The following PTPRN2 variants were observed in gnomAD, a reference collection of about 807,000 sequenced individuals.
The protein encoded by PTPRN2 is receptor-type tyrosine-protein phosphatase N2.
In PTPRN2, 74 loss-of-function variants were observed where a neutral mutation model predicts 118.8. The observed-to-expected ratio is 0.62, with a 90% CI of 0.52 to 0.76. The LOEUF (loss-of-function observed/expected upper bound fraction) is 0.76, where lower values mean the gene tolerates loss of function less well. Ranked by LOEUF, PTPRN2 falls within the 30% of genes least tolerant of loss-of-function variation. PTPRN2 has a pLI of 0.00. For missense variants in PTPRN2, 1,481 were observed against 1,394.4 expected (o/e 1.06, Z -0.99); for synonymous variants, 641 against 608.0 (o/e 1.05, Z -0.80).
rs1227141172 is a variant in PTPRN2, at chr7:158,570,381, G to GGCT, written c.112+17174_112+17176dup. On this transcript the variant is annotated intron_variant, in intron 1 of 22. Transcript: ENST00000389418. The surrounding 1 kb of genome is among the most constrained non-coding windows in gnomAD (Gnocchi z 4.5). Reference sequence around the variant, plus strand: ...AATAAATAAATTAATACATAATAAAGGCTGCGTCCAACCAGATGAGGACAG... The same window carrying GGCT: ...AATAAATAAATTAATACATAATAAAGGCTGCTGCGTCCAACCAGATGAGGACAG... Among the ~76,000 whole-genome samples the GGCT allele has an allele frequency of 6.6e-6, 1 of 152,174 alleles. No homozygotes were observed. Among genetic ancestry groups the GGCT allele is most frequent in the East Asian group, 1.9e-4 (1 of 5,170 alleles).
intron 11 of PTPRN2, among the ~76,000 whole-genome samples, chr7:158,021,824 A>G (rs536049550): frequency 6.6e-6 from 1 of 152,366 alleles, no homozygotes; most frequent in Admixed American, 6.5e-5. Context: ...AGACCACTAC[A>G]TCGGCCAACC....
intron 2 of PTPRN2, among the ~76,000 whole-genome samples, chr7:158,433,992 C>A (rs1319611905): frequency 6.6e-6 from 1 of 151,466 alleles, no homozygotes; most frequent in Non-Finnish European, 1.5e-5. Flanking sequence ...TTTAGATTTT[C>A]TAGGGATTTT....
At chr7:157,897,947 G>A (rs934540985) in intron 12 of PTPRN2, among the ~76,000 whole-genome samples, 1 of 152,272 alleles carries the variant, frequency 6.6e-6, no homozygotes, top group African/African-American at 2.4e-5. Context: ...GTGGCCACAC[G>A]CCATTCCTCA....
intron 11 of PTPRN2, among the ~76,000 whole-genome samples, chr7:158,053,829 TGCAGAGACCCCAGAGAC>T (rs1563365937): frequency 7.7e-5 from 11 of 142,512 alleles, no homozygotes; most frequent in African/African-American, 2.1e-4. Context: ...ACCCCAGAGA[TGCAGAGACCCCAGAGAC>T]GCAGAGACTC....
intron 11 of PTPRN2, among the ~76,000 whole-genome samples, chr7:158,071,384 CGTGGTGG>C (rs1811550426): frequency 7.1e-5 from 2 of 27,990 alleles, no homozygotes; most frequent in East Asian, 1.3e-3. Context: ...TGGAGGTGCT[CGTGGTGG>C]AGGTGCTCGT....
intron 2 of PTPRN2, among the ~76,000 whole-genome samples, chr7:158,370,046 T>C (rs1809842524): frequency 6.6e-6 from 1 of 151,926 alleles, no homozygotes; most frequent in Non-Finnish European, 1.5e-5. Flanking sequence ...AACAGGAGCT[T>C]AGCTACAGAC....
intron 1 of PTPRN2, among the ~76,000 whole-genome samples, chr7:158,545,330 A>G (rs1227504220): frequency 6.6e-6 from 1 of 152,272 alleles, no homozygotes; most frequent in Non-Finnish European, 1.5e-5. Flanking sequence ...TGCAGGGACC[A>G]GTCCTGTGCT....
At chr7:158,074,439 C>T (rs755400350) in intron 11 of PTPRN2, among the ~76,000 whole-genome samples, 6 of 152,198 alleles carry the variant, frequency 3.9e-5, no homozygotes, top group African/African-American at 1.2e-4. Flanking sequence ...GAGAATCCCA[C>T]GCACTTCAAA....
intron 12 of PTPRN2, among the ~76,000 whole-genome samples, chr7:157,871,928 G>A (rs746964852): frequency 6.2e-4 from 85 of 136,508 alleles, no homozygotes; most frequent in Admixed American, 2.4e-3. Flanking sequence ...TCCCATACCT[G>A]CATACCCAGC....
intron 12 of PTPRN2, among the ~76,000 whole-genome samples, chr7:157,827,385 C>CAACACAACACAACACAACA (rs1807247831): frequency 6.6e-6 from 1 of 151,712 alleles, no homozygotes; most frequent in Non-Finnish European, 1.5e-5. Flanking sequence ...CAACACAACA[C>CAACACAACACAACACAACA]AACACAACAC....
chr7:157,694,139 G>C (rs1006177313), intron 12 of PTPRN2, among the ~76,000 whole-genome samples: 4 of 152,240 alleles, frequency 2.6e-5, no homozygotes, highest in African/African-American at 9.6e-5. Context: ...CGTTGTCTCA[G>C]TGTTTCACTT....
At chr7:157,718,410 GCA>G (rs1297322331) in intron 12 of PTPRN2, among the ~76,000 whole-genome samples, 2 of 152,222 alleles carry the variant, frequency 1.3e-5, no homozygotes, top group Non-Finnish European at 2.9e-5. Flanking sequence ...CAGGCTGGAG[GCA>G]CAGTCTGATT....
chr7:157,731,781 C>T (rs113783423), intron 12 of PTPRN2, among the ~76,000 whole-genome samples: 701 of 12,654 alleles, frequency 0.055, 2 homozygotes, highest in Middle Eastern at 0.21. Context: ...CTCTTTTCCA[C>T]CCCATGCGCC....
At chr7:158,199,817 G>GGGGAGCCTGGTTAGAAGCAGCTCCT (rs1826492984) in intron 4 of PTPRN2, among the ~76,000 whole-genome samples, 1 of 44,640 alleles carries the variant, frequency 2.2e-5, no homozygotes, top group Non-Finnish European at 4.0e-5. Flanking sequence ...GCAGGCACTA[G>GGGGAGCCTGGTTAGAAGCAGCTCCT]GGGAGCCTGG....
At chr7:157,639,906 G>A (rs1353130576) in intron 14 of PTPRN2, among the ~76,000 whole-genome samples, 1 of 152,228 alleles carries the variant, frequency 6.6e-6, no homozygotes, top group East Asian at 1.9e-4. Flanking sequence ...ACACATGAGT[G>A]ATCTGGGTGA....
chr7:158,489,133 G>C lies in PTPRN2; in HGVS notation c.163+602C>G, dbSNP rs116198029. 9.6e-3 allele frequency among the ~76,000 whole-genome samples: 1,457 copies of C among 152,352 alleles called. 33 individuals carry two copies. The highest frequency in any genetic ancestry group is 0.034 in the African/African-American group (1,409 of 41,588). The stretch of plus-strand genomic sequence containing the variant: ...TTTTCTTATCCGCCTGATAAGAGAG[G>C]AAAATCAGTGGCTTAAAGGACGAAA... On this transcript the variant is annotated intron_variant, in intron 2 of 22. Coordinates refer to ENST00000389418, the MANE Select transcript of PTPRN2 (RefSeq NM_002847.5).
chr7:157,555,076 C>T lies in PTPRN2; in HGVS notation c.2903-6057G>A, dbSNP rs112206822. Among the ~76,000 whole-genome samples the T allele has an allele frequency of 2.8e-3, 415 of 149,862 alleles. 2 individuals are homozygous for T. The highest frequency in any genetic ancestry group is 9.8e-3 in the African/African-American group (383 of 39,212). On this transcript the variant is annotated intron_variant, in intron 21 of 22. Coordinates refer to ENST00000389418, the MANE Select transcript of PTPRN2 (RefSeq NM_002847.5). ...GACACCCAGGAAGACCCACCTCTCT[C>T]GTGTTAGTGGACCAGGGAGGCAGCC...
At chr7:157,862,374 G>T (rs1229795390) in intron 12 of PTPRN2, among the ~76,000 whole-genome samples, 1 of 152,254 alleles carries the variant, frequency 6.6e-6, no homozygotes, top group East Asian at 1.9e-4. Context: ...ACGGCTAGGG[G>T]ATTCCCTTCT....
At chr7:157,575,768 G>T (rs2150523102) in intron 19 of PTPRN2, among the ~76,000 whole-genome samples, 1 of 152,292 alleles carries the variant, frequency 6.6e-6, no homozygotes, top group East Asian at 1.9e-4. Flanking sequence ...GGATTCAAAT[G>T]CATTTTTTCT....
Sources: gnomAD v4.1 joint callset for allele counts (sites outside exome capture counted in the v4.1 genomes callset) on GRCh38, gnomAD v4.1.1 for gene constraint, Gnocchi (gnomAD v3.1) non-coding constraint, MANE v1.5 for transcripts, NCBI Gene and HGNC (gene_info 2026-07-23, HGNC 2026-07-21) for gene names.